Variants in KALRN observed in about 807,000 individuals in gnomAD.
KALRN encodes the protein kalirin RhoGEF kinase, also known as kalirin.
Under a neutral mutation model 353.7 loss-of-function variants are expected in KALRN, and 70 were observed. The observed-to-expected ratio is 0.20, with a 90% confidence interval of 0.16 to 0.24. The LOEUF is 0.24. KALRN is among the 10% of genes least tolerant of loss of function. The pLI is 1.00. For missense variants in KALRN, 2,791 were observed against 3,756.7 expected (o/e 0.74, Z 6.72); for synonymous variants, 1,391 against 1,434.8 (o/e 0.97, Z 0.69).
chr3:124,398,911 A>G (rs2090505491), intron 13 of KALRN, 40 bp downstream of exon 13: 2 of 1,561,214 alleles, frequency 1.3e-6, no homozygotes, highest in South Asian at 2.5e-5. Flanking sequence ...AGGGGCCAAG[A>G]AGTGCTTCCT....
chr3:124,061,262 T>C (rs913662028), intron 1 of KALRN, among the ~76,000 whole-genome samples: 1 of 152,226 alleles, frequency 6.6e-6, no homozygotes, highest in African/African-American at 2.4e-5. Flanking sequence ...CAGTTTGTAC[T>C]GAATTCCCAC....
chr3:124,513,580 T>C (rs184318686), intron 33 of KALRN, among the ~76,000 whole-genome samples: 23 of 152,334 alleles, frequency 1.5e-4, no homozygotes, highest in Admixed American at 1.4e-3. Flanking sequence ...GGGAAGGTTT[T>C]CTGGTAAAGA....
chr3:124,247,231 GT>G (rs1289714748), intron 3 of KALRN, among the ~76,000 whole-genome samples: 7 of 152,256 alleles, frequency 4.6e-5, no homozygotes, highest in African/African-American at 1.7e-4. Flanking sequence ...ACATAGATGG[GT>G]TTTGTCAGAG....
chr3:124,454,879 A>G (rs574183880), intron 21 of KALRN, among the ~76,000 whole-genome samples: 1 of 152,300 alleles, frequency 6.6e-6, no homozygotes, highest in East Asian at 1.9e-4. Flanking sequence ...TTATATAAGG[A>G]ACTTGCATAT....
intron 4 of KALRN, among the ~76,000 whole-genome samples, chr3:124,268,397 G>A (rs1395558056): frequency 1.3e-5 from 2 of 152,222 alleles, no homozygotes; most frequent in African/African-American, 4.8e-5. Flanking sequence ...AACTAGGTCA[G>A]TTTTTCTTCC....
At chr3:124,243,981 A>C (rs2148675639) in intron 3 of KALRN, among the ~76,000 whole-genome samples, 1 of 152,248 alleles carries the variant, frequency 6.6e-6, no homozygotes. Flanking sequence ...GTTATGCTTA[A>C]GTTTAGGATT....
At chr3:124,228,173 G>T in intron 2 of KALRN, 109 bp downstream of exon 2, 1 of 906,796 alleles carries the variant, frequency 1.1e-6, no homozygotes, top group Non-Finnish European at 1.8e-6. Context: ...GGGTGGGGAA[G>T]TTATGCTTGG....
intron 6 of KALRN, among the ~76,000 whole-genome samples, chr3:124,313,855 A>C (rs1397608488): frequency 6.6e-6 from 1 of 152,186 alleles, no homozygotes; most frequent in Non-Finnish European, 1.5e-5. Flanking sequence ...AAAGTTATCA[A>C]ATAATTAGCC....
intron 1 of KALRN, among the ~76,000 whole-genome samples, chr3:124,198,350 T>C (rs2075640901): frequency 1.3e-5 from 2 of 152,210 alleles, no homozygotes; most frequent in Admixed American, 1.3e-4. Context: ...CATCTGAAAT[T>C]GGGATAATAG....
chr3:124,523,821 G>A (rs2067358142), intron 33 of KALRN, among the ~76,000 whole-genome samples: 1 of 152,178 alleles, frequency 6.6e-6, no homozygotes, highest in Non-Finnish European at 1.5e-5. Context: ...TGACTCTCAT[G>A]GTAGGGACCC....
intron 33 of KALRN, among the ~76,000 whole-genome samples, chr3:124,555,557 A>ACT: frequency 6.6e-6 from 1 of 152,234 alleles, no homozygotes; most frequent in South Asian, 2.1e-4. Flanking sequence ...CAGGTTTAGG[A>ACT]ATTCATGGAG....
At chr3:124,246,023 T>C (rs1370094315) in intron 3 of KALRN, among the ~76,000 whole-genome samples, 1 of 152,246 alleles carries the variant, frequency 6.6e-6, no homozygotes, top group Non-Finnish European at 1.5e-5. Context: ...TCCATGGTCA[T>C]GCAAATGACA....
intron 34 of KALRN, among the ~76,000 whole-genome samples, chr3:124,608,135 G>A (rs1330560021): frequency 6.6e-6 from 1 of 150,900 alleles, no homozygotes; most frequent in Non-Finnish European, 1.5e-5. Context: ...AACCTCCTGA[G>A]TCGCTGGGAC....
intron 34 of KALRN, among the ~76,000 whole-genome samples, chr3:124,624,611 G>A (rs992463251): frequency 1.3e-5 from 2 of 152,308 alleles, no homozygotes; most frequent in African/African-American, 4.8e-5. Flanking sequence ...GATGGTATCT[G>A]AGACCATAAT....
intron 1 of KALRN, among the ~76,000 whole-genome samples, chr3:124,055,717 C>T (rs895819987): frequency 1.3e-5 from 2 of 152,166 alleles, no homozygotes; most frequent in Non-Finnish European, 2.9e-5. Flanking sequence ...TTCCTGGAGG[C>T]CCTAGAGCCA....
rs111880516 is a variant in KALRN, at chr3:124,439,187, TTCTCTCTC to T, written c.3198+157_3198+164del. 424 of 480,452 alleles carry T rather than the reference TTCTCTCTC, an allele frequency of 8.8e-4. 8 individuals carry two copies. The highest frequency in any genetic ancestry group is 6.3e-3 in the East Asian group (157 of 24,812). 29.8% of individuals were successfully genotyped at this position (480,452 alleles called of 1,614,324 possible). On this transcript the variant is annotated intron_variant, in intron 18 of 59. Coordinates refer to ENST00000682506, the MANE Select transcript of KALRN (RefSeq NM_001388419.1). ...TTTCTCCTCCTCCTCCTTCTTCTCCTTCTCTCTCTCTCTCACACACACACACACACACA... is the reference window on the plus strand; with the variant it reads ...TTTCTCCTCCTCCTCCTTCTTCTCCTTCTCTCACACACACACACACACACA...
At chr3:124,474,957 G>A (rs1215075550) in intron 26 of KALRN, among the ~76,000 whole-genome samples, 1 of 152,166 alleles carries the variant, frequency 6.6e-6, no homozygotes, top group East Asian at 1.9e-4. Flanking sequence ...TTGGAAGAGT[G>A]GAACAAGACT....
chr3:124,267,478 A>G (rs2073699563), intron 4 of KALRN, among the ~76,000 whole-genome samples: 1 of 152,234 alleles, frequency 6.6e-6, no homozygotes, highest in South Asian at 2.1e-4. Flanking sequence ...CTCTACTTGC[A>G]CATTAGAATC....
At chr3:124,261,008 G>T (rs1307472905) in intron 3 of KALRN, among the ~76,000 whole-genome samples, 1 of 151,728 alleles carries the variant, frequency 6.6e-6, no homozygotes, top group Non-Finnish European at 1.5e-5. Flanking sequence ...TCAGTGTGGT[G>T]GGTTATAGTA....
Sources: gnomAD v4.1 joint callset for allele counts (sites outside exome capture counted in the v4.1 genomes callset) on GRCh38, gnomAD v4.1.1 for gene constraint, MANE v1.5 for transcripts, NCBI Gene and HGNC (gene_info 2026-07-23, HGNC 2026-07-21) for gene names.